Variants in ROCK1 observed in about 807,000 individuals in gnomAD.
ROCK1 encodes the protein Rho associated coiled-coil containing protein kinase 1, also known as rho-associated protein kinase 1.
A neutral mutation model predicts 196.8 loss-of-function variants in ROCK1; 36 were observed. The observed-to-expected ratio is 0.18, with a 90% CI of 0.14 to 0.24. The LOEUF (loss-of-function observed/expected upper bound fraction) is 0.24, where lower values mean the gene tolerates loss of function less well. Among genes scored for constraint, ROCK1 ranks in the 10% least tolerant of loss-of-function variants. ROCK1 has a pLI of 1.00. For missense variants in ROCK1, 920 were observed against 1,562.0 expected, an observed-to-expected ratio of 0.59 and a Z score of 6.93; for synonymous variants, 443 against 515.9, an observed-to-expected ratio of 0.86 and a Z score of 1.91.
intron 13 of ROCK1, among the ~76,000 whole-genome samples, chr18:21,011,870 C>G (rs1254201823): frequency 6.6e-6 from 1 of 152,162 alleles, no homozygotes; most frequent in Non-Finnish European, 1.5e-5. Flanking sequence ...CAACTGCCTA[C>G]TATAAAAAAT....
At chr18:21,004,045 T>C (rs2035748597) in intron 16 of ROCK1, among the ~76,000 whole-genome samples, 3 of 152,166 alleles carry the variant, frequency 2.0e-5, no homozygotes, top group Admixed American at 1.3e-4. Context: ...CTCCATAACA[T>C]TTTGATCACT....
At chr18:21,094,645 A>G (rs1174510021) in intron 1 of ROCK1, among the ~76,000 whole-genome samples, 1 of 151,714 alleles carries the variant, frequency 6.6e-6, no homozygotes, top group Non-Finnish European at 1.5e-5. Flanking sequence ...GCTACTCAAG[A>G]GGCTGAGGTG....
chr18:20,967,617 T>A, intron 26 of ROCK1, 135 bp downstream of exon 26: 1 of 625,382 alleles, frequency 1.6e-6, no homozygotes, highest in Non-Finnish European at 2.6e-6. Context: ...TATCCCAATT[T>A]CAGTCTGAAA....
At chr18:21,067,174 C>T (rs2036341873) in intron 2 of ROCK1, among the ~76,000 whole-genome samples, 3 of 152,088 alleles carry the variant, frequency 2.0e-5, no homozygotes, top group Admixed American at 2.0e-4. Flanking sequence ...TAATGACTAA[C>T]CACCATGAAC....
chr18:21,008,253 T>A, intron 13 of ROCK1, 59 bp from the exon 14 acceptor site: 1 of 1,255,214 alleles, frequency 8.0e-7, no homozygotes, highest in Non-Finnish European at 1.1e-6. Context: ...TTCATTCAAG[T>A]GAGTATTTTG....
chr18:21,044,313 T>C, intron 5 of ROCK1, 127 bp from the exon 6 acceptor site: 1 of 532,344 alleles, frequency 1.9e-6, no homozygotes, highest in Admixed American at 3.4e-5. Flanking sequence ...CTGTATGTGT[T>C]CTCTATCCAC....
intron 22 of ROCK1, among the ~76,000 whole-genome samples, chr18:20,973,705 A>C (rs1423466192): frequency 6.6e-6 from 1 of 152,212 alleles, no homozygotes; most frequent in Non-Finnish European, 1.5e-5. Context: ...TTCTCTACTT[A>C]GAAGCTATTC....
At chr18:20,995,395 C>A (rs575140453) in intron 16 of ROCK1, among the ~76,000 whole-genome samples, 1 of 152,196 alleles carries the variant, frequency 6.6e-6, no homozygotes, top group Non-Finnish European at 1.5e-5. Context: ...AACAACCATT[C>A]GCACAGAAAA....
intron 10 of ROCK1, among the ~76,000 whole-genome samples, chr18:21,027,751 T>C (rs77089511): frequency 1.2e-5 from 1 of 81,930 alleles, no homozygotes; most frequent in Non-Finnish European, 2.1e-5. Context: ...AATCACTTAA[T>C]TTTTTTTTTT....
At chr18:20,980,428 CAATA>C (rs1474940667) in intron 21 of ROCK1, among the ~76,000 whole-genome samples, 3 of 151,874 alleles carry the variant, frequency 2.0e-5, no homozygotes, top group Non-Finnish European at 2.9e-5. Context: ...TGAAAATAAT[CAATA>C]ATCATGGAAA....
chr18:20,991,231 AG>A lies in ROCK1; in HGVS notation c.2087del (p.Ala696ValfsTer3). On this transcript the variant is annotated frameshift_variant, in exon 18 of 33. Coordinates refer to ENST00000399799, the MANE Select transcript of ROCK1 (RefSeq NM_005406.3). LOFTEE classifies it high-confidence loss of function. ...QEVNEHKVTK[A>X]RLTDKHQSIE... ...TAGATTGATGTTTGTCAGTTAAACG[AG>A]CTTTGGTTACTTTGTGTTCATTTAC... The A allele has an allele frequency of 6.2e-7, 1 of 1,613,278 alleles. No homozygotes were observed. The highest frequency in any genetic ancestry group is 8.5e-7 in the Non-Finnish European group (1 of 1,179,700).
Position 21,020,231 on chromosome 18 carries a change from A to G in ROCK1, c.1281T>C (p.Ser427=). The change falls in exon 12 of 33, where the codon AGT becomes AGC. Residue 427 remains serine (S), a synonymous_variant. Transcript: ENST00000399799. The stretch of plus-strand genomic sequence containing the variant: ...CCAGCTTATAGATTGTTTTTTGCAA[A>G]CTTTCCTGCTTTAATTTAAAACAAA... ...SSNADKSLQE[S]LQKTIYKLEE... is the part of the protein sequence containing the mutation. The G allele has an allele frequency of 6.4e-7, 1 of 1,573,838 alleles. No homozygotes were observed.
chr18:21,099,757 G>A (rs1183481315), intron 1 of ROCK1, among the ~76,000 whole-genome samples: 4 of 150,136 alleles, frequency 2.7e-5, no homozygotes, highest in East Asian at 2.0e-4. Context: ...AAAACAGGCC[G>A]GGCGCAGTGG....
intron 1 of ROCK1, among the ~76,000 whole-genome samples, chr18:21,089,624 A>C (rs114498872): frequency 0.018 from 2,699 of 152,310 alleles, 76 homozygotes; most frequent in African/African-American, 0.059. Context: ...TGCATTTAAT[A>C]CATCTAATCT....
At chr18:20,973,595 G>A (rs1223702283) in intron 22 of ROCK1, among the ~76,000 whole-genome samples, 1 of 152,048 alleles carries the variant, frequency 6.6e-6, no homozygotes, top group East Asian at 1.9e-4. Flanking sequence ...TTCTTAAGTA[G>A]GCAGGAAGAG....
intron 11 of ROCK1, among the ~76,000 whole-genome samples, chr18:21,022,548 G>A (rs1310335696): frequency 1.3e-5 from 2 of 151,958 alleles, no homozygotes; most frequent in Non-Finnish European, 2.9e-5. Context: ...CAACCCACAG[G>A]AGACACCAGC....
intron 1 of ROCK1, among the ~76,000 whole-genome samples, chr18:21,109,831 GT>G (rs1303615407): frequency 2.8e-4 from 43 of 152,156 alleles, no homozygotes; most frequent in African/African-American, 9.4e-4. Context: ...GTATTATTTT[GT>G]TTCCTTAATC....
At chr18:20,991,644 T>G (rs116809633) in intron 17 of ROCK1, among the ~76,000 whole-genome samples, 49 of 152,180 alleles carry the variant, frequency 3.2e-4, no homozygotes, top group African/African-American at 1.2e-3. Context: ...CTTTTCTTTT[T>G]TTTTTAAAGA....
chr18:21,046,569 G>A (rs972559016), intron 4 of ROCK1, among the ~76,000 whole-genome samples: 42 of 152,202 alleles, frequency 2.8e-4, no homozygotes, highest in African/African-American at 9.9e-4. Flanking sequence ...GAGGAAGGCA[G>A]CAGCTAGGGT....
Sources: gnomAD v4.1 joint callset for allele counts (sites outside exome capture counted in the v4.1 genomes callset) on GRCh38, gnomAD v4.1.1 for gene constraint, MANE v1.5 for transcripts, NCBI Gene and HGNC (gene_info 2026-07-23, HGNC 2026-07-21) for gene names.